The following FOXO1 variants were observed in gnomAD, a reference collection of about 807,000 sequenced individuals.
FOXO1 encodes forkhead box O1, also known as forkhead box protein O1.
Under a neutral mutation model 44.1 loss-of-function variants are expected in FOXO1, and 6 were observed. The ratio of observed to expected loss-of-function variants is 0.14; its 90% CI spans 0.07 to 0.27. The LOEUF (loss-of-function observed/expected upper bound fraction) is 0.27. FOXO1 is among the 10% of genes least tolerant of loss of function. FOXO1 has a pLI of 1.00. For synonymous variants in FOXO1, 380 were observed against 362.7 expected, an observed-to-expected ratio of 1.05 and a Z score of -0.54; for missense variants, 737 against 888.8, an observed-to-expected ratio of 0.83 and a Z score of 2.17.
rs778538205 is a variant in FOXO1, at chr13:40,559,874, C to A, written c.1617G>T (p.Leu539=). 6.2e-7 allele frequency: 1 copy of A among 1,614,074 alleles called. No homozygotes were observed. Among genetic ancestry groups the A allele is most frequent in the Non-Finnish European group, 8.5e-7 (1 of 1,179,992 alleles). ...QQTSAVNGRP[L]PHTVSTMPHT... Reference sequence around the variant, plus strand: ...GGGGCATGGTGCTTACCGTGTGGGGCAGGGGACGCCCGTTAACTGCAGATG... The same window carrying A: ...GGGGCATGGTGCTTACCGTGTGGGGAAGGGGACGCCCGTTAACTGCAGATG... The change falls in exon 2 of 3, where the codon CTG becomes CTT. Residue 539 remains leucine, a synonymous_variant. Transcript: ENST00000379561.
chr13:40,642,980 T>G (rs1387478694), intron 1 of FOXO1, among the ~76,000 whole-genome samples: 1 of 152,214 alleles, frequency 6.6e-6, no homozygotes, highest in Non-Finnish European at 1.5e-5. Context: ...GAGGAGAGCC[T>G]GAAAACCACA....
At chr13:40,641,828 A>G (rs1478926063) in intron 1 of FOXO1, among the ~76,000 whole-genome samples, 1 of 152,030 alleles carries the variant, frequency 6.6e-6, no homozygotes, top group Non-Finnish European at 1.5e-5. Flanking sequence ...TCCACTAAAA[A>G]TGTAAAAATT....
intron 1 of FOXO1, among the ~76,000 whole-genome samples, chr13:40,656,421 T>C (rs1260258829): frequency 1.3e-5 from 2 of 152,242 alleles, no homozygotes; most frequent in Non-Finnish European, 2.9e-5. Flanking sequence ...TAGTAATCTT[T>C]CTTTCTTTGA....
At chr13:40,665,142 C>T (rs1175462418) in intron 1 of FOXO1, among the ~76,000 whole-genome samples, 2 of 151,916 alleles carry the variant, frequency 1.3e-5, no homozygotes, top group Non-Finnish European at 2.9e-5. Context: ...CGCGCCCTCC[C>T]CCGCCGCGCC....
intron 1 of FOXO1, among the ~76,000 whole-genome samples, chr13:40,572,209 A>G (rs1359148853): frequency 3.3e-5 from 5 of 152,218 alleles, no homozygotes; most frequent in Non-Finnish European, 7.4e-5. Context: ...CATAGCATGT[A>G]CTACGTAGAA....
At chr13:40,639,590 T>C (rs1348843607) in intron 1 of FOXO1, among the ~76,000 whole-genome samples, 1 of 152,254 alleles carries the variant, frequency 6.6e-6, no homozygotes, top group East Asian at 1.9e-4. Context: ...CTGACACACA[T>C]AGTGGCCAGC....
In FOXO1 at chr13:40,600,784, T is replaced by G. The variant is rs559079340; in HGVS notation, c.631-39924A>C. ...CAAGACTCTAACTCGATTTGCATAT[T>G]ACCAATTAGAATTTCAAGGCAATCC... On this transcript the variant is annotated intron_variant, in intron 1 of 2. Transcript: ENST00000379561. Among the ~76,000 whole-genome samples, 10 of 152,306 alleles carry G rather than the reference T, an allele frequency of 6.6e-5. 1 individual carries two copies. In the South Asian group the frequency reaches 8.3e-4, roughly 13 times the overall value.
chr13:40,612,693 A>G (rs1353363042), intron 1 of FOXO1, among the ~76,000 whole-genome samples: 4 of 152,318 alleles, frequency 2.6e-5, no homozygotes, highest in Non-Finnish European at 2.9e-5. Context: ...ACACAGTAAG[A>G]TATTTTGAGA....
intron 1 of FOXO1, among the ~76,000 whole-genome samples, chr13:40,661,361 C>T (rs749772660): frequency 3.3e-5 from 5 of 151,928 alleles, no homozygotes; most frequent in Non-Finnish European, 5.9e-5. Context: ...CTGCAACCTC[C>T]GCCTTCTAGG....
intron 1 of FOXO1, among the ~76,000 whole-genome samples, chr13:40,661,262 G>A (rs1050136372): frequency 6.6e-6 from 1 of 151,896 alleles, no homozygotes; most frequent in Admixed American, 6.6e-5. Flanking sequence ...TACATATACA[G>A]GATTATCAAG....
At chr13:40,607,398 A>G (rs917711934) in intron 1 of FOXO1, among the ~76,000 whole-genome samples, 2 of 152,160 alleles carry the variant, frequency 1.3e-5, no homozygotes, top group Non-Finnish European at 2.9e-5. Context: ...CCAGAAAAAC[A>G]TCATTCTTCT....
intron 1 of FOXO1, among the ~76,000 whole-genome samples, chr13:40,646,067 C>CAA (rs879866986): frequency 7.8e-5 from 6 of 76,652 alleles, no homozygotes; most frequent in South Asian, 3.8e-4. Flanking sequence ...AACTCCGTCT[C>CAA]AAAAAAAAAA....
intron 1 of FOXO1, among the ~76,000 whole-genome samples, chr13:40,583,084 A>G (rs1297465800): frequency 6.6e-6 from 1 of 152,312 alleles, no homozygotes; most frequent in Non-Finnish European, 1.5e-5. Context: ...AAACACCACT[A>G]ATCTGCTTGT....
chr13:40,563,157 G>A (rs904545588), intron 1 of FOXO1, among the ~76,000 whole-genome samples: 2 of 152,194 alleles, frequency 1.3e-5, no homozygotes, highest in African/African-American at 4.8e-5. Flanking sequence ...GGTCACCCAG[G>A]GGTGCAGCCA....
intron 1 of FOXO1, among the ~76,000 whole-genome samples, chr13:40,653,475 T>C (rs1215937215): frequency 6.6e-6 from 1 of 152,088 alleles, no homozygotes; most frequent in Non-Finnish European, 1.5e-5. Flanking sequence ...GGAAAACCAA[T>C]ATGAAAGGAG....
chr13:40,576,820 G>A (rs560004460), intron 1 of FOXO1, among the ~76,000 whole-genome samples: 1 of 152,310 alleles, frequency 6.6e-6, no homozygotes, highest in African/African-American at 2.4e-5. Context: ...CTCCCTCCAT[G>A]AAGCTGACTG....
Position 40,560,334 on chromosome 13 carries a change from G to A in FOXO1, c.1157C>T (p.Ser386Leu). ...TGAGGACTGGGTCGAAACAGTTAAT[G>A]ATGTTGGTGATGAGAGAAGGTTGAG... is the stretch of plus-strand genomic sequence containing the variant. ...DNLNLLSSPT[S>L]LTVSTQSSPG... The change falls in exon 2 of 3, where the codon TCA (serine) becomes TTA (leucine). Residue 386 changes from serine (S) to leucine (L), a missense_variant. Around this residue, in one of 7 missense-constraint regions of FOXO1, gnomAD observed 283 missense variants for 278.1 expected, o/e 1.02. Transcript: ENST00000379561. The surrounding 1 kb of genome is among the most constrained non-coding windows in gnomAD (Gnocchi z 5.1). The A allele has an allele frequency of 6.2e-7, 1 of 1,614,174 alleles. No homozygotes were observed. The highest frequency in any genetic ancestry group is 1.1e-5 in the South Asian group (1 of 91,074).
chr13:40,643,332 A>G (rs1167738586), intron 1 of FOXO1, among the ~76,000 whole-genome samples: 2 of 145,916 alleles, frequency 1.4e-5, no homozygotes, highest in Non-Finnish European at 3.0e-5. Context: ...ACAAAGTGAG[A>G]CTCCGTCTCA....
chr13:40,638,071 T>TA (rs1390411195), intron 1 of FOXO1, among the ~76,000 whole-genome samples: 1 of 152,220 alleles, frequency 6.6e-6, no homozygotes, highest in Admixed American at 6.5e-5. Context: ...TTTTGTATTT[T>TA]AAAAAATTCT....
Sources: gnomAD v4.1 joint callset for allele counts (sites outside exome capture counted in the v4.1 genomes callset) on GRCh38, gnomAD v4.1.1 for gene constraint, gnomAD v4.1.1 regional missense constraint, Gnocchi (gnomAD v3.1) non-coding constraint, MANE v1.5 for transcripts, NCBI Gene and HGNC (gene_info 2026-07-23, HGNC 2026-07-21) for gene names.